The following NUP214 variants were observed in gnomAD, a reference collection of about 807,000 sequenced individuals.
NUP214 encodes nuclear pore complex protein Nup214.
In NUP214, 79 loss-of-function variants were observed where a neutral mutation model predicts 196.2. The observed-to-expected ratio is 0.40, with a 90% CI of 0.34 to 0.49. NUP214 has a LOEUF of 0.49. NUP214 is among the 20% of genes least tolerant of loss of function. The pLI, the probability that NUP214 is intolerant of heterozygous loss-of-function variation, is 0.58. For missense variants in NUP214, 2,468 were observed against 2,539.0 expected (o/e 0.97, Z 0.60); for synonymous variants, 1,020 against 990.5 (o/e 1.03, Z -0.56).
rs1831590163 is a variant in NUP214, at chr9:131,132,598, T to C, written c.666T>C (p.Thr222=). 6.2e-7 allele frequency: 1 copy of C among 1,613,790 alleles called. No individual in the cohort carries two copies. Among genetic ancestry groups the C allele is most frequent in the Non-Finnish European group, 8.5e-7 (1 of 1,179,694 alleles). ...TTTCCCCTCCAAATCTCTTTCAGAC[T>C]TTGCAGGAAAAAAAAGTCATTCCTT... ...QNGTVVQYLP[T]LQEKKVIPCP... Residue 222 remains threonine (T), a splice_region_variant and synonymous_variant, in exon 6 of 36, where the codon ACT becomes ACC. Transcript: ENST00000359428.
At chr9:131,219,508 C>T (rs969276773) in intron 31 of NUP214, among the ~76,000 whole-genome samples, 2 of 152,202 alleles carry the variant, frequency 1.3e-5, no homozygotes, top group Admixed American at 1.3e-4. Flanking sequence ...AACACCAGTA[C>T]TTGGAGTTGG....
intron 26 of NUP214, chr9:131,191,973 C>T: frequency 2.7e-6 from 1 of 375,448 alleles, no homozygotes; most frequent in South Asian, 7.6e-5. Flanking sequence ...GAGAAGATGG[C>T]ACACCTTAGA....
At chr9:131,205,378 A>C (rs1046240192) in intron 30 of NUP214, among the ~76,000 whole-genome samples, 2 of 152,236 alleles carry the variant, frequency 1.3e-5, no homozygotes, top group Admixed American at 1.3e-4. Context: ...CTGGGAACTC[A>C]TATTGCTAGT....
Position 131,207,313 on chromosome 9 carries a change from C to T in NUP214, c.5592+5596C>T, listed in dbSNP as rs367961857. ...CTTCAGATGGACTTAGTAGGGATGG[C>T]TTGTCTTCACAGTATCTGTGATCTC... On this transcript the variant is annotated intron_variant, in intron 30 of 35. Coordinates refer to ENST00000359428, the MANE Select transcript of NUP214 (RefSeq NM_005085.4). 4.6e-5 allele frequency among the ~76,000 whole-genome samples: 7 copies of T among 152,310 alleles called. No individual in the cohort carries two copies. In the East Asian group the frequency reaches 1.4e-3, roughly 29 times the overall value.
At chr9:131,185,362 C>T (rs76673466) in intron 24 of NUP214, among the ~76,000 whole-genome samples, 214 of 152,308 alleles carry the variant, frequency 1.4e-3, no homozygotes, top group African/African-American at 4.9e-3. Flanking sequence ...GTGCCTCTGT[C>T]GCTCATTTCT....
intron 9 of NUP214, among the ~76,000 whole-genome samples, chr9:131,137,457 C>T (rs1831764905): frequency 6.6e-6 from 1 of 152,098 alleles, no homozygotes; most frequent in Non-Finnish European, 1.5e-5. Context: ...CAGTCCCCTC[C>T]TTCCTCTCAA....
At chr9:131,132,306 G>A (rs1446748912) in intron 5 of NUP214, among the ~76,000 whole-genome samples, 1 of 151,866 alleles carries the variant, frequency 6.6e-6, no homozygotes, top group Admixed American at 6.6e-5. Flanking sequence ...TAGAGACGGG[G>A]TTTCGCCATG....
At chr9:131,147,344 T>C in intron 13 of NUP214, 146 bp from the exon 14 acceptor site, 1 of 636,608 alleles carries the variant, frequency 1.6e-6, no homozygotes, top group Non-Finnish European at 2.8e-6. Context: ...GCACAACTGG[T>C]GGTCATCACT....
chr9:131,219,026 G>T (rs1834482992), intron 31 of NUP214, among the ~76,000 whole-genome samples: 1 of 152,032 alleles, frequency 6.6e-6, no homozygotes, highest in Non-Finnish European at 1.5e-5. Flanking sequence ...GGCCCACCAT[G>T]ATCGCTCCCT....
rs779235775 is a variant in NUP214, at chr9:131,125,644, G to A, written c.-61G>A. The A allele has an allele frequency of 4.5e-6, 7 of 1,543,610 alleles. No individual in the cohort carries two copies. The African/African-American group carries it at 9.7e-5, about 21-fold the overall frequency. The stretch of plus-strand genomic sequence containing the variant: ...GGAAGTTTGCTGTCGAGCGGCCTGG[G>A]TTCCGTGGGCAAGGCCGTGGGAGGC... On this transcript the variant is annotated 5_prime_UTR_variant, in exon 1 of 36. Transcript: ENST00000359428. The surrounding 1 kb of genome is among the most constrained non-coding windows in gnomAD (Gnocchi z 4.1).
chr9:131,224,927 G>A (rs1751652), intron 32 of NUP214, among the ~76,000 whole-genome samples: 139,271 of 152,252 alleles, frequency 0.91, 64,390 homozygotes, highest in East Asian at 1. Flanking sequence ...GACTCTTAAC[G>A]GTTTTCCTAT....
At chr9:131,132,966 C>T (rs1479225451) in intron 6 of NUP214, 140 bp from the exon 7 acceptor site, 2 of 703,476 alleles carry the variant, frequency 2.8e-6, no homozygotes, top group African/African-American at 1.8e-5. Flanking sequence ...GTCATTGTAC[C>T]TGTGCATTAT....
chr9:131,204,877 A>G (rs889112696), intron 30 of NUP214, among the ~76,000 whole-genome samples: 3 of 152,232 alleles, frequency 2.0e-5, no homozygotes, highest in African/African-American at 4.8e-5. Flanking sequence ...AAGATGAAAT[A>G]TTAAAAGCAA....
At chr9:131,190,523 A>G (rs1833569337) in intron 26 of NUP214, 2 of 674,030 alleles carry the variant, frequency 3.0e-6, no homozygotes, top group African/African-American at 3.6e-5. Context: ...TTGGTAGGAA[A>G]ACTTCCCTGA....
intron 17 of NUP214, chr9:131,159,061 TTTTTTTATGTAAC>T (rs1832546217): frequency 4.9e-6 from 1 of 204,838 alleles, no homozygotes; most frequent in African/African-American, 2.3e-5. Context: ...AATTATAAAG[TTTTTTTATGTAAC>T]TTTTTTATTT....
At chr9:131,133,244 T>C (rs1831612854) in intron 7 of NUP214, 35 bp downstream of exon 7, 1 of 1,303,872 alleles carries the variant, frequency 7.7e-7, no homozygotes, top group South Asian at 1.5e-5. Context: ...TGTTTGAGAA[T>C]TAGAGAAGTC....
At chr9:131,176,434 T>C (rs1210074365) in intron 23 of NUP214, among the ~76,000 whole-genome samples, 4 of 151,704 alleles carry the variant, frequency 2.6e-5, no homozygotes, top group African/African-American at 9.7e-5. Context: ...CCAGGTGACC[T>C]TCCCACCTCA....
At chr9:131,165,177 CTCT>C (rs1832752456) in intron 21 of NUP214, 1 of 152,134 alleles carries the variant, frequency 6.6e-6, no homozygotes, top group Non-Finnish European at 1.5e-5. Flanking sequence ...GTAATCTTAG[CTCT>C]TCAGGTGGCT....
At chr9:131,200,060 A>G (rs745501634) in intron 29 of NUP214, among the ~76,000 whole-genome samples, 9 of 152,222 alleles carry the variant, frequency 5.9e-5, no homozygotes, top group African/African-American at 1.9e-4. Flanking sequence ...TTAGAGGAGA[A>G]CGTGTAACAC....
Sources: allele counts gnomAD v4.1 joint callset (sites outside exome capture counted in the v4.1 genomes callset), GRCh38; gene constraint gnomAD v4.1.1; non-coding constraint Gnocchi (gnomAD v3.1); transcripts MANE v1.5; gene names NCBI Gene and HGNC (gene_info 2026-07-23, HGNC 2026-07-21).